IGFN1: variants seen among roughly 807,000 people sequenced by gnomAD.
IGFN1 encodes the protein immunoglobulin-like and fibronectin type III domain-containing protein 1.
IGFN1 carries 253 observed loss-of-function variants against 289.5 expected under a neutral mutation model. The ratio of observed to expected loss-of-function variants is 0.87; its 90% CI spans 0.79 to 0.97. The LOEUF is 0.97. Among genes scored for constraint, IGFN1 ranks in the 50% least tolerant of loss-of-function variants. The pLI is 0.00. For missense variants in IGFN1, 4,470 were observed against 4,686.1 expected (o/e 0.95, Z 1.35); for synonymous variants, 1,706 against 1,788.5 (o/e 0.95, Z 1.16).
intron 12 of IGFN1, 151 bp downstream of exon 12, chr1:201,213,772 AT>A: frequency 1.5e-6 from 1 of 668,800 alleles, no homozygotes; most frequent in African/African-American, 1.8e-5. Context: ...TCTTTTGCAA[AT>A]TTAGGAAGCA....
Position 201,212,793 on chromosome 1 carries a change from T to A in IGFN1, c.7900T>A (p.Phe2634Ile), listed in dbSNP as rs1416389050. The A allele has an allele frequency of 6.4e-7, 1 of 1,551,220 alleles. No individual in the cohort carries two copies. Among genetic ancestry groups the A allele is most frequent in the Admixed American group, 2.0e-5 (1 of 50,976 alleles). ...AWAPDWENQG[F>I]SQGSIDAGKQ... ...GGCTCCTGATTGGGAAAACCAGGGG[T>A]TTAGCCAAGGCAGCATAGATGCTGG... is the stretch of plus-strand genomic sequence containing the variant. Residue 2634 changes from phenylalanine (F) to isoleucine (I), a missense_variant, in exon 12 of 24, where the codon TTT (phenylalanine) becomes ATT (isoleucine). By Grantham distance (21) the Phe-to-Ile change is conservative. Coordinates refer to ENST00000335211, the MANE Select transcript of IGFN1 (RefSeq NM_001164586.2).
Position 201,216,459 on chromosome 1 carries a change from C to T in IGFN1, c.9301C>T (p.Pro3101Ser), listed in dbSNP as rs1653293145. 1 of 1,562,268 alleles carries T rather than the reference C, an allele frequency of 6.4e-7. No homozygotes were observed. The highest frequency in any genetic ancestry group is 8.6e-7 in the Non-Finnish European group (1 of 1,156,632). Reference sequence around the variant, plus strand: ...TCCTCTCTGTGGGTCCCCAGACAAGCCTGATCCCCCACAAGGCCCCATGGA... The same window carrying T: ...TCCTCTCTGTGGGTCCCCAGACAAGTCTGATCCCCCACAAGGCCCCATGGA... ...AELTLQVIDK[P>S]DPPQGPMEVQ... Residue 3101 changes from proline to serine, a missense_variant, in exon 16 of 24, where the codon CCT (proline) becomes TCT (serine). Pro to Ser is a moderately conservative substitution (Grantham distance 74). Around this residue, in one of 8 missense-constraint regions of IGFN1, gnomAD observed 2,218 missense variants for 2,114.1 expected, o/e 1.05. Transcript: ENST00000335211.
At position 201,207,284 on chromosome 1, in the gene IGFN1, G is replaced by T; in HGVS notation, c.2391G>T (p.Gln797His). The T allele has an allele frequency of 6.5e-7, 1 of 1,536,840 alleles. No individual in the cohort carries two copies. The change falls in exon 12 of 24, where the codon CAG (glutamine) becomes CAT (histidine). Residue 797 changes from glutamine (Q) to histidine (H), a missense_variant. Gln to His is a conservative substitution (Grantham distance 24). This residue lies in a region of IGFN1 where 2,011 missense variants were observed against 1,953.4 expected (regional missense o/e 1.03). Coordinates refer to ENST00000335211, the MANE Select transcript of IGFN1 (RefSeq NM_001164586.2). ...AGGAGCTCAGGGGAAGGGATGGCCA[G>T]GAAACAGCTTGGGCCTCGGGTGAGG... The part of the protein sequence containing the change: ...VLQELRGRDG[Q>H]ETAWASGEVE...
chr1:201,228,202 C>A (rs906286927), intron 23 of IGFN1, among the ~76,000 whole-genome samples, 184 bp from the exon 24 acceptor site: 2 of 152,192 alleles, frequency 1.3e-5, no homozygotes, highest in Non-Finnish European at 2.9e-5. Flanking sequence ...TATGGTTCCC[C>A]GAGGGGCCAG....
intron 3 of IGFN1, 139 bp downstream of exon 3, chr1:201,194,412 C>A: frequency 1.1e-6 from 1 of 895,882 alleles, no homozygotes; most frequent in Non-Finnish European, 1.7e-6. Flanking sequence ...TCCCTCCTAT[C>A]CTTGAGGGGG....
intron 12 of IGFN1, among the ~76,000 whole-genome samples, chr1:201,213,863 T>C (rs1667961064): frequency 6.6e-6 from 1 of 152,184 alleles, no homozygotes; most frequent in African/African-American, 2.4e-5. Flanking sequence ...TGAAACCTTA[T>C]GTCCACAGCA....
At chr1:201,217,499 C>T in intron 17 of IGFN1, 39 bp downstream of exon 17, 1 of 1,601,826 alleles carries the variant, frequency 6.2e-7, no homozygotes, top group African/African-American at 1.3e-5. Context: ...CCTTAGACCC[C>T]TCCTGGCTCC....
rs1654263767 is a variant in IGFN1, at chr1:201,228,507, G to A, written c.*108G>A. On this transcript the variant is annotated 3_prime_UTR_variant, in exon 24 of 24. Coordinates refer to ENST00000335211, the MANE Select transcript of IGFN1 (RefSeq NM_001164586.2). ...ATGGAGGCTGTGCCCAGAGCCCCAG[G>A]AAAATGGGAGTGAGAAGATGCCTGG... The A allele has an allele frequency of 2.5e-6, 3 of 1,210,014 alleles. No individual in the cohort carries two copies. Among genetic ancestry groups the A allele is most frequent in the African/African-American group, 3.0e-5 (2 of 66,518 alleles). The allele number at this position is 1,210,014 out of a possible 1,614,324, so 75.0% of individuals were successfully genotyped here. A position where few individuals can be genotyped will look rare whatever the true frequency, so the allele number is the denominator to read the frequency against.
At chr1:201,198,290 C>A (rs1666998388) in intron 5 of IGFN1, among the ~76,000 whole-genome samples, 1 of 152,174 alleles carries the variant, frequency 6.6e-6, no homozygotes, top group African/African-American at 2.4e-5. Context: ...CGTTTACCAC[C>A]ATGCCTGGCT....
intron 7 of IGFN1, 70 bp downstream of exon 7, chr1:201,199,724 G>A: frequency 7.2e-7 from 1 of 1,389,472 alleles, no homozygotes; most frequent in African/African-American, 1.4e-5. Context: ...ATTTCCATAA[G>A]TAAGCTGGGC....
Position 201,211,810 on chromosome 1 carries a change from G to A in IGFN1, c.6917G>A (p.Gly2306Asp). The A allele has an allele frequency of 6.5e-7, 1 of 1,536,714 alleles. No homozygotes were observed. The highest frequency in any genetic ancestry group is 8.7e-7 in the Non-Finnish European group (1 of 1,146,696). Residue 2306 changes from glycine to aspartate, a missense_variant, in exon 12 of 24, where the codon GGT becomes GAT. Coordinates refer to ENST00000335211, the MANE Select transcript of IGFN1 (RefSeq NM_001164586.2). ...NPLGSEAGSRGSLEDSGYILS... is the reference protein window; with the variant it reads ...NPLGSEAGSRDSLEDSGYILS... ...TTAGGGAGCGAGGCAGGTTCTAGGG[G>A]TAGTTTGGAGGATTCTGGGTACATT... is the stretch of plus-strand genomic sequence containing the variant.
intron 16 of IGFN1, 21 bp downstream of exon 16, chr1:201,216,774 TG>T: frequency 6.4e-7 from 1 of 1,556,180 alleles, no homozygotes; most frequent in Non-Finnish European, 8.7e-7. Flanking sequence ...AGGCTGGGGC[TG>T]GGGGTGGGGG....
rs951853054 is a variant in IGFN1 at position 201,213,393 on chromosome 1, G to A, written c.8500G>A (p.Gly2834Arg). The change falls in exon 12 of 24, where the codon GGA becomes AGA. Residue 2834 changes from glycine to arginine, a missense_variant. Physicochemically the swap from Gly to Arg is moderately radical, Grantham distance 125. Transcript: ENST00000335211. ...TGAGGTTGGAGGAGGAAAGAGAAGG[G>A]GAGCAGACGAGGCTGGAAGCATGGG... is the stretch of plus-strand genomic sequence containing the variant. ...GAEVGGGKRRGADEAGSMGWQ... is the reference protein window; with the variant it reads ...GAEVGGGKRRRADEAGSMGWQ... 6.2e-7 allele frequency: 1 copy of A among 1,613,880 alleles called. No individual in the cohort carries two copies. Among genetic ancestry groups the A allele is most frequent in the Non-Finnish European group, 8.5e-7 (1 of 1,179,878 alleles).
At chr1:201,228,051 G>A (rs1417134410) in intron 23 of IGFN1, among the ~76,000 whole-genome samples, 1 of 152,178 alleles carries the variant, frequency 6.6e-6, no homozygotes, top group East Asian at 1.9e-4. Flanking sequence ...TGACCTTTGT[G>A]GAAAAACGGC....
In IGFN1 at chr1:201,228,537, G is replaced by A; in HGVS notation, c.*138G>A. Reference sequence around the variant, plus strand: ...TGGGAGTGAGAAGATGCCTGGCGAGGTTTTGGCCAGGAGGACGTGAAGTCC... The same window carrying A: ...TGGGAGTGAGAAGATGCCTGGCGAGATTTTGGCCAGGAGGACGTGAAGTCC... On this transcript the variant is annotated 3_prime_UTR_variant, in exon 24 of 24. Transcript: ENST00000335211. 3.2e-6 allele frequency: 3 copies of A among 948,012 alleles called. No individual in the cohort carries two copies. The highest frequency in any genetic ancestry group is 5.1e-6 in the Non-Finnish European group (3 of 582,990). The allele number at this position is 948,012 out of a possible 1,614,324, so 58.7% of individuals were successfully genotyped here.
At chr1:201,223,592 C>G (rs1201602969) in intron 20 of IGFN1, among the ~76,000 whole-genome samples, 1 of 152,108 alleles carries the variant, frequency 6.6e-6, no homozygotes, top group African/African-American at 2.4e-5. Flanking sequence ...GCTGGCCTCT[C>G]AAACTCCTGA....
In IGFN1 at chr1:201,221,670, G is replaced by T. The variant is rs773240402; in HGVS notation, c.10125G>T (p.Arg3375=). ...GGCCTGGAGAGGGCTACTTCGTGCG[G>T]GTGACAGCAGTTAATGAAGGAGGCC... The part of the protein sequence containing the change: ...GLRPGEGYFV[R]VTAVNEGGQS... Residue 3375 remains arginine, a synonymous_variant, in exon 19 of 24, where the codon CGG becomes CGT. Transcript: ENST00000335211. The T allele has an allele frequency of 1.2e-6, 2 of 1,614,104 alleles. No individual in the cohort carries two copies. The highest frequency in any genetic ancestry group is 2.2e-5 in the South Asian group (2 of 91,066).
At chr1:201,194,446 A>G (rs1666800575) in intron 3 of IGFN1, among the ~76,000 whole-genome samples, 173 bp downstream of exon 3, 1 of 152,180 alleles carries the variant, frequency 6.6e-6, no homozygotes, top group Non-Finnish European at 1.5e-5. Flanking sequence ...GGAACCCTAG[A>G]AGTGACAAGA....
chr1:201,201,717 A>C lies in IGFN1; in HGVS notation c.634-2A>C. 6.7e-7 allele frequency: 1 copy of C among 1,499,342 alleles called. No homozygotes were observed. The highest frequency in any genetic ancestry group is 9.1e-7 in the Non-Finnish European group (1 of 1,098,898). The allele number at this position is 1,499,342 out of a possible 1,614,324, so 92.9% of individuals were successfully genotyped here. On this transcript the variant is annotated splice_acceptor_variant, in intron 8 of 23. Coordinates refer to ENST00000335211, the MANE Select transcript of IGFN1 (RefSeq NM_001164586.2). LOFTEE classifies it high-confidence loss of function. ...CCTGCTGGGTGTTTGTCTGCTTTGT[A>C]GTACATCAACACCATCTCCAGCTTA...
Sources: gnomAD v4.1 joint callset for allele counts (sites outside exome capture counted in the v4.1 genomes callset) on GRCh38, gnomAD v4.1.1 for gene constraint, gnomAD v4.1.1 regional missense constraint, MANE v1.5 for transcripts, NCBI Gene and HGNC (gene_info 2026-07-23, HGNC 2026-07-21) for gene names.